KIF5C: variants seen among roughly 807,000 people sequenced by gnomAD.
KIF5C encodes the protein kinesin heavy chain isoform 5C.
In KIF5C, 18 loss-of-function variants were observed where a neutral mutation model predicts 125.2. That is an observed-to-expected ratio of 0.14 (90% CI 0.10 to 0.21). The LOEUF (loss-of-function observed/expected upper bound fraction) is 0.21, where lower values mean the gene tolerates loss of function less well. Ranked by LOEUF, KIF5C falls within the 10% of genes least tolerant of loss-of-function variation. KIF5C has a pLI of 1.00. For missense variants in KIF5C, 780 were observed against 1,183.8 expected (o/e 0.66, Z 5.01); for synonymous variants, 405 against 434.0 (o/e 0.93, Z 0.83).
At chr2:148,988,623 G>A (rs1681446535) in intron 15 of KIF5C, among the ~76,000 whole-genome samples, 1 of 152,214 alleles carries the variant, frequency 6.6e-6, no homozygotes, top group African/African-American at 2.4e-5. Flanking sequence ...TTTCTGCAGA[G>A]GCTGGACAAG....
intron 1 of KIF5C, among the ~76,000 whole-genome samples, chr2:148,908,257 A>G (rs1483247174): frequency 6.6e-6 from 1 of 152,230 alleles, no homozygotes; most frequent in Non-Finnish European, 1.5e-5. Context: ...CCTCCCAGCA[A>G]GATCCCACAG....
At chr2:148,907,260 A>G (rs1421777755) in intron 1 of KIF5C, among the ~76,000 whole-genome samples, 2 of 152,102 alleles carry the variant, frequency 1.3e-5, no homozygotes, top group Admixed American at 1.3e-4. Context: ...ATGTGGGGGG[A>G]AGTGACGTCA....
chr2:149,015,200 A>G (rs1682326742), intron 25 of KIF5C, among the ~76,000 whole-genome samples: 1 of 152,176 alleles, frequency 6.6e-6, no homozygotes, highest in Admixed American at 6.5e-5. Flanking sequence ...AAACATATAT[A>G]TATAATTTAC....
chr2:149,007,737 GT>G lies in KIF5C; in HGVS notation c.2446-214del, dbSNP rs200712371. On this transcript the variant is annotated intron_variant, in intron 22 of 25. Transcript: ENST00000435030. ...AACTTTCAAAAGCAGATTTGAAGGA[GT>G]TTTTTTTTTTTAGCTCTCTAAAAAT... 0.035 allele frequency among the ~76,000 whole-genome samples: 5,044 copies of G among 145,960 alleles called. 195 individuals carry two copies. Among genetic ancestry groups the G allele is most frequent in the African/African-American group, 0.096 (3,865 of 40,152 alleles).
intron 2 of KIF5C, among the ~76,000 whole-genome samples, chr2:148,923,797 T>C (rs745792771): frequency 6.6e-6 from 1 of 152,232 alleles, no homozygotes; most frequent in Non-Finnish European, 1.5e-5. Flanking sequence ...AAAAAAATCC[T>C]GTGATTAACA....
At chr2:148,952,679 C>T (rs1018558211) in intron 10 of KIF5C, among the ~76,000 whole-genome samples, 24 of 152,234 alleles carry the variant, frequency 1.6e-4, no homozygotes, top group African/African-American at 5.1e-4. Context: ...TACCTCTCCC[C>T]TCTGAGCCCC....
intron 1 of KIF5C, among the ~76,000 whole-genome samples, chr2:148,920,950 G>C (rs534631283): frequency 5.3e-5 from 8 of 152,156 alleles, no homozygotes; most frequent in Non-Finnish European, 8.8e-5. Context: ...GCTATGTGGG[G>C]AACATGAAGA....
In KIF5C at chr2:148,941,606, C is replaced by T; in HGVS notation, c.397-4C>T. On this transcript the variant is annotated splice_region_variant and splice_polypyrimidine_tract_variant and intron_variant, in intron 4 of 25. Transcript: ENST00000435030. ...TATTCCAAGCTCAATTTGTTTTTAA[C>T]TAGGTTTCCTATTTTGAGATCTACT... 1.3e-6 allele frequency: 2 copies of T among 1,557,120 alleles called. No homozygotes were observed. Among genetic ancestry groups the T allele is most frequent in the Non-Finnish European group, 1.7e-6 (2 of 1,148,910 alleles).
intron 22 of KIF5C, among the ~76,000 whole-genome samples, chr2:149,007,432 A>G (rs1166038010): frequency 2.6e-5 from 4 of 152,148 alleles, no homozygotes; most frequent in African/African-American, 7.2e-5. Context: ...CCCGGATGCT[A>G]TGATTAATTT....
At chr2:148,977,056 G>A (rs1681096714) in intron 12 of KIF5C, among the ~76,000 whole-genome samples, 1 of 151,990 alleles carries the variant, frequency 6.6e-6, no homozygotes, top group Admixed American at 6.6e-5. Flanking sequence ...TATTCTGGAG[G>A]TTTTGAAAGA....
chr2:148,948,764 G>C (rs140533819), intron 8 of KIF5C, among the ~76,000 whole-genome samples: 1 of 152,280 alleles, frequency 6.6e-6, no homozygotes, highest in East Asian at 1.9e-4. Context: ...GTGATAGATG[G>C]TACCTGCCTT....
chr2:148,906,048 A>G (rs1251558787), intron 1 of KIF5C, among the ~76,000 whole-genome samples: 2 of 152,064 alleles, frequency 1.3e-5, no homozygotes, highest in African/African-American at 2.4e-5. Flanking sequence ...ACAATTCAAG[A>G]TGAAATTTGG....
intron 2 of KIF5C, among the ~76,000 whole-genome samples, chr2:148,923,480 G>A (rs980192036): frequency 6.6e-6 from 1 of 152,116 alleles, no homozygotes; most frequent in African/African-American, 2.4e-5. Context: ...ATATCGGGTG[G>A]TAATTTTTAT....
At chr2:149,002,306 G>A (rs751029143) in intron 21 of KIF5C, among the ~76,000 whole-genome samples, 51 of 152,172 alleles carry the variant, frequency 3.4e-4, no homozygotes, top group East Asian at 9.7e-4. Flanking sequence ...AGCCATCCAC[G>A]CTCTCTTTCA....
At chr2:148,895,361 C>A (rs1574698288) in intron 1 of KIF5C, among the ~76,000 whole-genome samples, 1 of 152,154 alleles carries the variant, frequency 6.6e-6, no homozygotes, top group African/African-American at 2.4e-5. Flanking sequence ...TGGTCTCAAA[C>A]TCCTAACCTC....
intron 21 of KIF5C, among the ~76,000 whole-genome samples, chr2:149,001,148 G>C (rs1404208447): frequency 6.6e-6 from 1 of 152,198 alleles, no homozygotes; most frequent in Non-Finnish European, 1.5e-5. Context: ...ATAAACAACA[G>C]AGATAAGATC....
rs541118621 is a variant in KIF5C, at chr2:149,014,882, A to G, written c.*7+3199A>G. 1.2e-4 allele frequency among the ~76,000 whole-genome samples: 19 copies of G among 152,296 alleles called. 1 individual carries two copies. In the South Asian group the frequency reaches 3.9e-3, roughly 32 times the overall value. On this transcript the variant is annotated intron_variant, in intron 25 of 25. Transcript: ENST00000435030. ...ATCCTAGTTGTTGCTATGAACTGAC[A>G]TAAGGGCTTTTAAAGATAATATTGG...
intron 3 of KIF5C, chr2:148,935,096 T>A: frequency 1.7e-5 from 7 of 403,988 alleles, no homozygotes; most frequent in South Asian, 1.3e-4. Context: ...GGAGGCATTA[T>A]TATGAGAACA....
intron 3 of KIF5C, among the ~76,000 whole-genome samples, chr2:148,932,139 T>C (rs183855558): frequency 7.9e-5 from 12 of 152,142 alleles, no homozygotes; most frequent in African/African-American, 2.9e-4. Context: ...GATCCTGGAA[T>C]GCAATTAAGT....
Sources: gnomAD v4.1 joint callset for allele counts (sites outside exome capture counted in the v4.1 genomes callset) on GRCh38, gnomAD v4.1.1 for gene constraint, MANE v1.5 for transcripts, NCBI Gene and HGNC (gene_info 2026-07-23, HGNC 2026-07-21) for gene names.